The following CACNA1D variants were observed in gnomAD, a reference collection of about 807,000 sequenced individuals.
CACNA1D encodes calcium voltage-gated channel subunit alpha1 D, also known as voltage-dependent L-type calcium channel subunit alpha-1D.
In CACNA1D, 55 loss-of-function variants were observed where a neutral mutation model predicts 257.1. That is an observed-to-expected ratio of 0.21 (90% CI 0.17 to 0.27). CACNA1D has a LOEUF of 0.27. Ranked by LOEUF, CACNA1D falls within the 10% of genes least tolerant of loss-of-function variation. CACNA1D has a pLI of 1.00. For synonymous variants in CACNA1D, 980 were observed against 1,014.9 expected (o/e 0.97, Z 0.65); for missense variants, 1,876 against 2,784.0 (o/e 0.67, Z 7.34).
chr3:53,808,956 C>T (rs1173804720), intron 46 of CACNA1D, 186 bp downstream of exon 46: 10 of 653,974 alleles, frequency 1.5e-5, no homozygotes, highest in Admixed American at 2.9e-5. Flanking sequence ...GCTGCCCAAG[C>T]TCACACAAGT....
chr3:53,585,745 T>A (rs1444436177), intron 3 of CACNA1D, among the ~76,000 whole-genome samples: 1 of 152,198 alleles, frequency 6.6e-6, no homozygotes, highest in East Asian at 1.9e-4. Flanking sequence ...TGGGAGGGGC[T>A]GGTCCACGCA....
At chr3:53,763,313 G>A (rs2095314386) in intron 30 of CACNA1D, among the ~76,000 whole-genome samples, 1 of 152,208 alleles carries the variant, frequency 6.6e-6, no homozygotes, top group Non-Finnish European at 1.5e-5. Context: ...ATTGTAGATG[G>A]AGTGAACCAC....
intron 9 of CACNA1D, among the ~76,000 whole-genome samples, chr3:53,705,768 C>T (rs997339751): frequency 6.6e-6 from 1 of 152,202 alleles, no homozygotes; most frequent in African/African-American, 2.4e-5. Flanking sequence ...GAGAGAACCT[C>T]TCTGATCACA....
chr3:53,602,080 G>T (rs1420118133), intron 3 of CACNA1D, among the ~76,000 whole-genome samples: 1 of 152,114 alleles, frequency 6.6e-6, no homozygotes, highest in African/African-American at 2.4e-5. Flanking sequence ...CAATCTATTT[G>T]TACCCATTAA....
chr3:53,612,899 A>G (rs1576087637), intron 3 of CACNA1D, among the ~76,000 whole-genome samples: 1 of 152,322 alleles, frequency 6.6e-6, no homozygotes, highest in Non-Finnish European at 1.5e-5. Flanking sequence ...CCAGTTTTCA[A>G]GTTGTTTAAG....
At chr3:53,607,347 A>G (rs1014928859) in intron 3 of CACNA1D, among the ~76,000 whole-genome samples, 36 of 152,232 alleles carry the variant, frequency 2.4e-4, no homozygotes, top group African/African-American at 8.2e-4. Flanking sequence ...ACTTTAAGAT[A>G]GGAAAATTAC....
chr3:53,495,580 T>G lies in CACNA1D; in HGVS notation c.67+347T>G, dbSNP rs1266541249. On this transcript the variant is annotated intron_variant, in intron 1 of 47. Coordinates refer to ENST00000350061, the MANE Select transcript of CACNA1D (RefSeq NM_001128840.3). The surrounding 1 kb of genome is among the most constrained non-coding windows in gnomAD (Gnocchi z 5.1). ...GCGATGGCAGGAGGGCCGCAAGTCT[T>G]CAGCCGGAGCCCCCTTGCCAGCCTC... Among the ~76,000 whole-genome samples, 1 of 152,046 alleles carries G rather than the reference T, an allele frequency of 6.6e-6. No individual in the cohort carries two copies. Among genetic ancestry groups the G allele is most frequent in the Admixed American group, 6.5e-5 (1 of 15,280 alleles).
At position 53,726,345 on chromosome 3, in the gene CACNA1D, A is replaced by C. The variant is rs74925596; in HGVS notation, c.2101-534A>C. 3.2e-3 allele frequency among the ~76,000 whole-genome samples: 494 copies of C among 152,322 alleles called. 3 individuals are homozygous for C. Among genetic ancestry groups the C allele is most frequent in the African/African-American group, 0.011 (463 of 41,568 alleles). On this transcript the variant is annotated intron_variant, in intron 14 of 47. Coordinates refer to ENST00000350061, the MANE Select transcript of CACNA1D (RefSeq NM_001128840.3). ...CTGGGCTGGGGTGTAATCAAAAAGC[A>C]CATAAATCTTGGCTGGGTGAGGTGG...
At position 53,650,855 on chromosome 3, in the gene CACNA1D, T is replaced by A; in HGVS notation, c.560T>A (p.Leu187Gln). The A allele has an allele frequency of 6.2e-7, 1 of 1,609,646 alleles. No homozygotes were observed. The highest frequency in any genetic ancestry group is 1.3e-5 in the African/African-American group (1 of 74,982). ...AAGATTATAGCGTATGGATTATTGC[T>A]ACATCCTAATGCTTATGTTAGGAAT... ...FLKIIAYGLL[L>Q]HPNAYVRNGW... The change falls in exon 4 of 48, where the codon CTA becomes CAA. Residue 187 changes from leucine to glutamine, a missense_variant. Physicochemically the swap from Leu to Gln is moderately radical, Grantham distance 113. Around this residue, in one of 10 missense-constraint regions of CACNA1D, gnomAD observed 188 missense variants for 390.4 expected, o/e 0.48. Coordinates refer to ENST00000350061, the MANE Select transcript of CACNA1D (RefSeq NM_001128840.3).
intron 3 of CACNA1D, among the ~76,000 whole-genome samples, chr3:53,597,538 G>A (rs2093385482): frequency 1.3e-5 from 2 of 152,220 alleles, no homozygotes; most frequent in South Asian, 2.1e-4. Flanking sequence ...CCACTTTACT[G>A]AGGGAGAGGA....
intron 3 of CACNA1D, among the ~76,000 whole-genome samples, chr3:53,594,958 G>C (rs3774467): frequency 0.075 from 11,451 of 152,212 alleles, 1,217 homozygotes; most frequent in African/African-American, 0.23. Flanking sequence ...TCTTGAATTC[G>C]TCTATTGATC....
rs3774578 is a variant in CACNA1D at position 53,768,249 on chromosome 3, G to A, written c.3871-1724G>A. Among the ~76,000 whole-genome samples the A allele has an allele frequency of 2.6e-5, 4 of 152,136 alleles. No homozygotes were observed. In the East Asian group the frequency reaches 7.7e-4, roughly 29 times the overall value. ...TGACCAACAGGCCCCTTACTGTCTT[G>A]CAGGTCTGATACATAAGTTGTGCAC... On this transcript the variant is annotated intron_variant, in intron 30 of 47. Coordinates refer to ENST00000350061, the MANE Select transcript of CACNA1D (RefSeq NM_001128840.3).
At chr3:53,669,790 G>A (rs567283644) in intron 7 of CACNA1D, among the ~76,000 whole-genome samples, 1 of 152,330 alleles carries the variant, frequency 6.6e-6, no homozygotes, top group Non-Finnish European at 1.5e-5. Context: ...TTGAGCTGTT[G>A]TTTGACTCAC....
chr3:53,727,498 C>A (rs1265312968), intron 15 of CACNA1D, among the ~76,000 whole-genome samples: 2 of 152,214 alleles, frequency 1.3e-5, no homozygotes, highest in Non-Finnish European at 2.9e-5. Flanking sequence ...TGTCCATTGG[C>A]TAGCTGCTAA....
intron 8 of CACNA1D, among the ~76,000 whole-genome samples, chr3:53,688,334 G>C (rs1253781939): frequency 6.6e-6 from 1 of 152,204 alleles, no homozygotes; most frequent in Non-Finnish European, 1.5e-5. Context: ...ACAAAGGCAG[G>C]GGTCAGAAGT....
intron 3 of CACNA1D, among the ~76,000 whole-genome samples, chr3:53,573,882 A>G (rs770640114): frequency 2.0e-5 from 3 of 152,248 alleles, no homozygotes; most frequent in East Asian, 1.9e-4. Flanking sequence ...GCACAGTTCA[A>G]TGACATTACA....
chr3:53,708,446 A>C (rs989376824), intron 9 of CACNA1D, among the ~76,000 whole-genome samples: 1 of 152,216 alleles, frequency 6.6e-6, no homozygotes, highest in Non-Finnish European at 1.5e-5. Flanking sequence ...CCCTAGGGTC[A>C]GTGGCTGGAC....
At chr3:53,798,196 T>C (rs550543491) in intron 40 of CACNA1D, among the ~76,000 whole-genome samples, 73 of 152,354 alleles carry the variant, frequency 4.8e-4, no homozygotes, top group African/African-American at 1.7e-3. Flanking sequence ...AGTTGCCTTC[T>C]TGATGTTTCC....
chr3:53,575,607 G>A (rs1414725013), intron 3 of CACNA1D, among the ~76,000 whole-genome samples: 2 of 152,144 alleles, frequency 1.3e-5, no homozygotes, highest in African/African-American at 4.8e-5. Context: ...AGGGTCAGTC[G>A]TCATTTTGCT....
Sources: allele counts gnomAD v4.1 joint callset (sites outside exome capture counted in the v4.1 genomes callset), GRCh38; gene constraint gnomAD v4.1.1; regional missense constraint gnomAD v4.1.1; non-coding constraint Gnocchi (gnomAD v3.1); transcripts MANE v1.5; gene names NCBI Gene and HGNC (gene_info 2026-07-23, HGNC 2026-07-21).